Variants in NLRP1 observed in about 807,000 individuals in gnomAD.
The protein encoded by NLRP1 is NACHT, LRR and PYD domains-containing protein 1.
NLRP1 carries 94 observed loss-of-function variants against 136.7 expected under a neutral mutation model. The ratio of observed to expected loss-of-function variants is 0.69; its 90% CI spans 0.58 to 0.82. The LOEUF (loss-of-function observed/expected upper bound fraction) is 0.82. NLRP1 is among the 40% of genes least tolerant of loss of function. NLRP1 has a pLI of 0.00. For synonymous variants in NLRP1, 690 were observed against 725.1 expected (o/e 0.95, Z 0.78); for missense variants, 1,575 against 1,802.7 (o/e 0.87, Z 2.29).
chr17:5,553,264 G>C lies in NLRP1; in HGVS notation c.2528+122C>G, dbSNP rs1233659267. ...GTGTTTGTTTACTAAAGTCATCCCG[G>C]CCAGAGAAGGCCTCAACGAATATTT... On this transcript the variant is annotated intron_variant, in intron 5 of 16. Coordinates refer to ENST00000572272, the MANE Select transcript of NLRP1 (RefSeq NM_033004.4). 3 of 847,454 alleles carry C rather than the reference G, an allele frequency of 3.5e-6. No individual in the cohort carries two copies. In the African/African-American group the frequency reaches 5.2e-5, roughly 15 times the overall value. 52.5% of individuals were successfully genotyped at this position (847,454 alleles called of 1,614,324 possible). A position where few individuals can be genotyped will look rare whatever the true frequency, so the allele number is the denominator to read the frequency against.
At chr17:5,567,699 C>T (rs1179577184) in intron 3 of NLRP1, among the ~76,000 whole-genome samples, 1 of 152,018 alleles carries the variant, frequency 6.6e-6, no homozygotes, top group Non-Finnish European at 1.5e-5. Context: ...CATTAATGTT[C>T]TTCTCTTTCT....
In NLRP1 at chr17:5,559,582, GCT is replaced by G. The variant is rs1338951454; in HGVS notation, c.1112_1113del (p.Glu371AlafsTer11). The G allele has an allele frequency of 6.2e-7, 1 of 1,614,228 alleles. No homozygotes were observed. Among genetic ancestry groups the G allele is most frequent in the Non-Finnish European group, 8.5e-7 (1 of 1,180,044 alleles). On this transcript the variant is annotated frameshift_variant, in exon 4 of 17. Coordinates refer to ENST00000572272, the MANE Select transcript of NLRP1 (RefSeq NM_033004.4). LOFTEE classifies it high-confidence loss of function. ...AGACTCACCACCTTGGACTGGGCCA[GCT>G]CTCTGCAGCTGAAGTAGAAGACATG... is the stretch of plus-strand genomic sequence containing the variant. ...FQHVFYFSCR[E>X]LAQSKVVSLA...
At chr17:5,526,749 C>T (rs1207204162) in intron 12 of NLRP1, among the ~76,000 whole-genome samples, 1 of 152,188 alleles carries the variant, frequency 6.6e-6, no homozygotes, top group African/African-American at 2.4e-5. Context: ...CATTCTTAAT[C>T]ATTTTTGAAT....
chr17:5,540,954 CT>C (rs1319833927), intron 6 of NLRP1, among the ~76,000 whole-genome samples: 1 of 152,208 alleles, frequency 6.6e-6, no homozygotes, highest in Non-Finnish European at 1.5e-5. Context: ...AGGCAGCCCC[CT>C]GAGCGGGTGC....
At chr17:5,582,142 C>T (rs1018931969) in intron 2 of NLRP1, 80 bp from the exon 3 acceptor site, 4 of 1,138,720 alleles carry the variant, frequency 3.5e-6, no homozygotes, top group Non-Finnish European at 5.1e-6. Context: ...ACTCTCACAA[C>T]AGTCCTGAGA....
chr17:5,520,799 A>G, intron 14 of NLRP1, 82 bp downstream of exon 14: 1 of 1,268,980 alleles, frequency 7.9e-7, no homozygotes, highest in Non-Finnish European at 1.1e-6. Flanking sequence ...TCCCTGAGAA[A>G]GCCCTGAGAC....
rs2151760848 is a variant in NLRP1 at position 5,533,819 on chromosome 17, G to A, written c.3052+78C>T. 5.3e-6 allele frequency: 5 copies of A among 948,000 alleles called. No homozygotes were observed. In the South Asian group the frequency reaches 7.4e-5, roughly 14 times the overall value. The allele number at this position is 948,000 out of a possible 1,614,324, so 58.7% of individuals were successfully genotyped here. On this transcript the variant is annotated intron_variant, in intron 9 of 16. Coordinates refer to ENST00000572272, the MANE Select transcript of NLRP1 (RefSeq NM_033004.4). ...CCCCGTCCCACATCAGGGGCAGAGGGATGGAGGGAATGACCTCCCACAGCT... is the reference window on the plus strand; with the variant it reads ...CCCCGTCCCACATCAGGGGCAGAGGAATGGAGGGAATGACCTCCCACAGCT...
At chr17:5,575,529 G>A (rs1904925408) in intron 3 of NLRP1, among the ~76,000 whole-genome samples, 1 of 152,118 alleles carries the variant, frequency 6.6e-6, no homozygotes, top group South Asian at 2.1e-4. Context: ...GACAAAGAAG[G>A]CCATTACATA....
At chr17:5,531,104 TAAC>T (rs1005668990) in intron 11 of NLRP1, among the ~76,000 whole-genome samples, 1 of 152,174 alleles carries the variant, frequency 6.6e-6, no homozygotes, top group Non-Finnish European at 1.5e-5. Flanking sequence ...CAATAATTAA[TAAC>T]AATATATGTG....
intron 4 of NLRP1, among the ~76,000 whole-genome samples, chr17:5,556,109 T>TACA (rs1226748050): frequency 7.5e-6 from 1 of 133,476 alleles, no homozygotes; most frequent in African/African-American, 2.9e-5. Context: ...TCTCTGTCTC[T>TACA]CTCTCTACAC....
intron 3 of NLRP1, among the ~76,000 whole-genome samples, chr17:5,576,737 G>A (rs1905058581): frequency 6.6e-6 from 1 of 152,134 alleles, no homozygotes; most frequent in Admixed American, 6.6e-5. Context: ...AGAAAAAGAA[G>A]GAATCCTCCC....
At chr17:5,579,530 C>T (rs550303235) in intron 3 of NLRP1, among the ~76,000 whole-genome samples, 5 of 152,290 alleles carry the variant, frequency 3.3e-5, no homozygotes, top group Admixed American at 2.0e-4. Flanking sequence ...AAAGGAATTT[C>T]GCGATTTGCC....
chr17:5,527,631 G>C (rs1230357668), intron 12 of NLRP1, among the ~76,000 whole-genome samples: 1 of 152,214 alleles, frequency 6.6e-6, no homozygotes, highest in Non-Finnish European at 1.5e-5. Context: ...TATGAAAAAA[G>C]AGATGATATT....
Position 5,581,934 on chromosome 17 carries a change from T to C in NLRP1, c.577A>G (p.Ser193Gly). ...LGSWGSPPQPSLAPREQEAPG... is the reference protein window; with the variant it reads ...LGSWGSPPQPGLAPREQEAPG... Reference sequence around the variant, plus strand: ...GCCTCCTGCTCTCTGGGTGCTAGGCTGGGCTGAGGTGGGGATCCCCAGCTC... The same window carrying C: ...GCCTCCTGCTCTCTGGGTGCTAGGCCGGGCTGAGGTGGGGATCCCCAGCTC... Residue 193 changes from serine (S) to glycine (G), a missense_variant, in exon 3 of 17, where the codon AGC becomes GGC. Physicochemically the swap from Ser to Gly is moderately conservative, Grantham distance 56. Transcript: ENST00000572272. The C allele has an allele frequency of 6.2e-7, 1 of 1,613,844 alleles. No individual in the cohort carries two copies. The highest frequency in any genetic ancestry group is 8.5e-7 in the Non-Finnish European group (1 of 1,179,900).
chr17:5,540,741 A>G (rs1173899693), intron 6 of NLRP1, among the ~76,000 whole-genome samples: 1 of 152,078 alleles, frequency 6.6e-6, no homozygotes, highest in Non-Finnish European at 1.5e-5. Context: ...CTAGGAGAGG[A>G]TCCTCGTTGT....
Position 5,559,698 on chromosome 17 carries a change from T to C in NLRP1, c.998A>G (p.Gln333Arg), listed in dbSNP as rs766600990. Residue 333 changes from glutamine to arginine, a missense_variant, in exon 4 of 17, where the codon CAG becomes CGG. Transcript: ENST00000572272. ...DTQEPRIVIL[Q>R]GAAGIGKSTL... ...TGACTTCCCAATTCCAGCAGCCCCCTGCAGTATGACTATGCGAGGTTCTTG... is the reference window on the plus strand; with the variant it reads ...TGACTTCCCAATTCCAGCAGCCCCCCGCAGTATGACTATGCGAGGTTCTTG... 6 of 1,614,130 alleles carry C rather than the reference T, an allele frequency of 3.7e-6. No homozygotes were observed. Among genetic ancestry groups the C allele is most frequent in the African/African-American group, 1.3e-5 (1 of 74,952 alleles).
chr17:5,541,780 C>G lies in NLRP1; in HGVS notation c.2699+77G>C, dbSNP rs992759143. Reference sequence around the variant, plus strand: ...TCCCACAAAGCAGGTCTCACCTTCTCTCTGCTCTTACCCTCTGCCTGCCTC... The same window carrying G: ...TCCCACAAAGCAGGTCTCACCTTCTGTCTGCTCTTACCCTCTGCCTGCCTC... On this transcript the variant is annotated intron_variant, in intron 6 of 16. Transcript: ENST00000572272. The surrounding 1 kb of genome is among the most constrained non-coding windows in gnomAD (Gnocchi z 4.2). The G allele has an allele frequency of 4.1e-6, 6 of 1,468,670 alleles. No individual in the cohort carries two copies. The East Asian group carries it at 9.1e-5, about 22-fold the overall frequency. 91.0% of individuals were successfully genotyped at this position (1,468,670 alleles called of 1,614,324 possible).
chr17:5,551,126 G>A (rs1490331975), intron 5 of NLRP1, among the ~76,000 whole-genome samples: 1 of 152,116 alleles, frequency 6.6e-6, no homozygotes, highest in Non-Finnish European at 1.5e-5. Flanking sequence ...AAAATAATAT[G>A]TATGAACGAT....
rs199475702 is a variant in NLRP1 at position 5,539,468 on chromosome 17, C to T, written c.2817G>A (p.Val939=). 8 of 1,614,178 alleles carry T rather than the reference C, an allele frequency of 5.0e-6. No individual in the cohort carries two copies. Among genetic ancestry groups the T allele is most frequent in the East Asian group, 2.2e-5 (1 of 44,886 alleles). ...LQQNNLDDVG[V]RLLCEGLRHP... ...GCCTGAGCCCCTCACAGAGCAGTCGCACGCCAACGTCATCCAGGTTGTTCT... is the reference window on the plus strand; with the variant it reads ...GCCTGAGCCCCTCACAGAGCAGTCGTACGCCAACGTCATCCAGGTTGTTCT... Residue 939 remains valine (V), a synonymous_variant, in exon 7 of 17, where the codon GTG becomes GTA. Transcript: ENST00000572272.
Sources: allele counts gnomAD v4.1 joint callset (sites outside exome capture counted in the v4.1 genomes callset), GRCh38; gene constraint gnomAD v4.1.1; non-coding constraint Gnocchi (gnomAD v3.1); transcripts MANE v1.5; gene names NCBI Gene and HGNC (gene_info 2026-07-23, HGNC 2026-07-21).